The following ASPRV1 variants were observed in gnomAD, a reference collection of about 807,000 sequenced individuals.
ASPRV1 encodes retroviral-like aspartic protease 1.
ASPRV1 carries 7 observed loss-of-function variants against 11.0 expected under a neutral mutation model. That is an observed-to-expected ratio of 0.64 (90% CI 0.36 to 1.20). The LOEUF (loss-of-function observed/expected upper bound fraction) is 1.20. Among genes scored for constraint, ASPRV1 ranks in the 50% most tolerant of loss-of-function variants. The pLI, the probability that ASPRV1 is intolerant of heterozygous loss-of-function variation, is 0.02. For missense variants in ASPRV1, 299 were observed against 320.0 expected, an observed-to-expected ratio of 0.93 and a Z score of 0.50; for synonymous variants, 136 against 138.4, an observed-to-expected ratio of 0.98 and a Z score of 0.12.
chr2:70,082,215 C>G, the ASPRV1 span, among the ~76,000 whole-genome samples: 1 of 151,856 alleles, frequency 6.6e-6, no homozygotes, highest in Non-Finnish European at 1.5e-5. Context: ...GAACTCCTGA[C>G]CTCAGATGGT....
chr2:70,001,471 G>C, the ASPRV1 span, among the ~76,000 whole-genome samples: 2 of 151,790 alleles, frequency 1.3e-5, no homozygotes, highest in African/African-American at 4.8e-5. Flanking sequence ...TCAAAATAAG[G>C]ATGTGGCTGG....
the ASPRV1 span, among the ~76,000 whole-genome samples, chr2:69,948,083 C>CGAA: frequency 7.2e-6 from 1 of 137,948 alleles, no homozygotes; most frequent in African/African-American, 2.6e-5. Context: ...CCCCGTCTCT[C>CGAA]AAAAAAAAAA....
the ASPRV1 span, chr2:69,995,388 CAAA>C: frequency 1.1e-4 from 9 of 82,662 alleles, no homozygotes; most frequent in Non-Finnish European, 6.1e-5. Flanking sequence ...GACTCTGCCT[CAAA>C]AAAAAAAAAA....
At chr2:70,077,983 A>G in the ASPRV1 span, among the ~76,000 whole-genome samples, 9 of 152,022 alleles carry the variant, frequency 5.9e-5, no homozygotes, top group Non-Finnish European at 1.3e-4. Flanking sequence ...CCTGACCAAC[A>G]TGATGAAACC....
chr2:69,939,967 G>A, the ASPRV1 span: 1 of 152,222 alleles, frequency 6.6e-6, no homozygotes, highest in Non-Finnish European at 1.5e-5. Flanking sequence ...GTCTCAGAAA[G>A]CAAGATTACT....
chr2:69,971,473 C>A, the ASPRV1 span, among the ~76,000 whole-genome samples: 2 of 152,154 alleles, frequency 1.3e-5, no homozygotes, highest in African/African-American at 4.8e-5. Context: ...TAGGACCCTG[C>A]CTCTCAAATG....
downstream of ASPRV1, among the ~76,000 whole-genome samples, chr2:69,957,369 C>T (rs922951552): frequency 6.6e-6 from 1 of 151,740 alleles, no homozygotes; most frequent in African/African-American, 2.4e-5. Context: ...CTGGGTGAAA[C>T]GTGGAAATTC....
the ASPRV1 span, among the ~76,000 whole-genome samples, chr2:69,948,852 G>A: frequency 1.3e-5 from 2 of 152,118 alleles, no homozygotes; most frequent in Non-Finnish European, 1.5e-5. Context: ...CCTCCCCCGC[G>A]GCGGGTCCCC....
At chr2:70,028,880 T>G in the ASPRV1 span, among the ~76,000 whole-genome samples, 4 of 151,582 alleles carry the variant, frequency 2.6e-5, no homozygotes. Context: ...AGGCGGAGGG[T>G]GCAGTGAGCT....
At chr2:69,935,138 A>G in the ASPRV1 span, among the ~76,000 whole-genome samples, 5 of 152,226 alleles carry the variant, frequency 3.3e-5, no homozygotes, top group Non-Finnish European at 7.3e-5. Flanking sequence ...TGTATTATCA[A>G]TAGACTTAGC....
the ASPRV1 span, among the ~76,000 whole-genome samples, chr2:70,047,196 T>A: frequency 3.9e-5 from 6 of 152,112 alleles, no homozygotes; most frequent in Admixed American, 1.3e-4. Context: ...TGGAGTTCAG[T>A]TTAGTGAGAG....
At chr2:70,045,974 A>C in the ASPRV1 span, 1 of 152,212 alleles carries the variant, frequency 6.6e-6, no homozygotes, top group African/African-American at 2.4e-5. Flanking sequence ...GCTCTCCTAA[A>C]GGACAGGAGA....
the ASPRV1 span, chr2:69,937,329 T>C: frequency 5.0e-6 from 8 of 1,614,016 alleles, no homozygotes; most frequent in African/African-American, 9.3e-5. Flanking sequence ...AAGCTGGGCA[T>C]TGAGAGGATC....
the ASPRV1 span, among the ~76,000 whole-genome samples, chr2:70,025,177 C>G: frequency 4.6e-5 from 7 of 152,130 alleles, no homozygotes; most frequent in African/African-American, 1.7e-4. Context: ...CATTATGACA[C>G]GCATACACGC....
the ASPRV1 span, among the ~76,000 whole-genome samples, chr2:69,985,787 G>A: frequency 3.1e-4 from 47 of 152,286 alleles, no homozygotes; most frequent in East Asian, 6.4e-3. Flanking sequence ...ACAGACTGCT[G>A]TAGACGAGGT....
the ASPRV1 span, among the ~76,000 whole-genome samples, chr2:70,076,740 T>A: frequency 6.6e-6 from 1 of 152,228 alleles, no homozygotes; most frequent in South Asian, 2.1e-4. Flanking sequence ...AACTTGAATA[T>A]CTCATGTAAT....
chr2:69,953,368 G>A, the ASPRV1 span, among the ~76,000 whole-genome samples: 1 of 152,248 alleles, frequency 6.6e-6, no homozygotes, highest in Admixed American at 6.5e-5. Flanking sequence ...GCAAGTGGCG[G>A]GACAGCACAT....
At chr2:69,937,101 G>A in the ASPRV1 span, 1 of 1,160,528 alleles carries the variant, frequency 8.6e-7, no homozygotes, top group South Asian at 1.2e-5. Flanking sequence ...GTCTCAGGGA[G>A]AAGCTTGATG....
chr2:69,937,190 A>G, the ASPRV1 span: 1 of 1,608,770 alleles, frequency 6.2e-7, no homozygotes, highest in Non-Finnish European at 8.5e-7. Flanking sequence ...TTGCCCATTT[A>G]GAGATCTCCC....
Sources: allele counts gnomAD v4.1 joint callset (sites outside exome capture counted in the v4.1 genomes callset), GRCh38; gene constraint gnomAD v4.1.1; transcripts MANE v1.5; gene names NCBI Gene and HGNC (gene_info 2026-07-23, HGNC 2026-07-21).